The following PRDM10 variants were observed in gnomAD, a reference collection of about 807,000 sequenced individuals.
PRDM10 encodes the protein PR/SET domain 10.
Under a neutral mutation model 133.1 loss-of-function variants are expected in PRDM10, and 65 were observed. The ratio of observed to expected loss-of-function variants is 0.49; its 90% CI spans 0.40 to 0.60. PRDM10 has a LOEUF of 0.60. Among genes scored for constraint, PRDM10 ranks in the 20% least tolerant of loss-of-function variants. PRDM10 has a pLI of 0.00. For synonymous variants in PRDM10, 582 were observed against 580.4 expected (o/e 1.00, Z -0.04); for missense variants, 1,137 against 1,507.1 (o/e 0.75, Z 4.07).
At chr11:129,983,237 C>T (rs564679689) in intron 1 of PRDM10, among the ~76,000 whole-genome samples, 25 of 152,038 alleles carry the variant, frequency 1.6e-4, no homozygotes, top group African/African-American at 5.8e-4. Flanking sequence ...CTCTGCCTCC[C>T]AAAGGGCTGG....
At chr11:129,935,274 CT>C in intron 8 of PRDM10, 56 bp from the exon 9 acceptor site, 1 of 1,321,584 alleles carries the variant, frequency 7.6e-7, no homozygotes, top group Non-Finnish European at 1.1e-6. Flanking sequence ...ACCAGTAAAA[CT>C]CAAAAGTCTG....
chr11:129,983,922 G>C (rs906977472), intron 1 of PRDM10, among the ~76,000 whole-genome samples: 12 of 152,090 alleles, frequency 7.9e-5, no homozygotes, highest in Non-Finnish European at 1.6e-4. Flanking sequence ...TACCCACACC[G>C]GAGGGAACCC....
chr11:129,914,426 G>A (rs901977730), intron 17 of PRDM10: 1 of 512,596 alleles, frequency 2.0e-6, no homozygotes, highest in African/African-American at 1.9e-5. Flanking sequence ...TCAGAAGAGG[G>A]TCAGAAACAG....
rs1027967500 is a variant in PRDM10, at chr11:129,923,677, AGAGAGAGAGAGAGAGAGT to A, written c.1879-292_1879-275del. On this transcript the variant is annotated intron_variant, in intron 12 of 20. Transcript: ENST00000360871. The surrounding 1 kb of genome is among the most constrained non-coding windows in gnomAD (Gnocchi z 4.4). ...GAGAGAGAGAGAGAGAGAGAGAGAG[AGAGAGAGAGAGAGAGAGT>A]GCTTGCTTGGTCAAAGCCCTGATCA... Among the ~76,000 whole-genome samples, 9 of 151,582 alleles carry A rather than the reference AGAGAGAGAGAGAGAGAGT, an allele frequency of 5.9e-5. No homozygotes were observed. The highest frequency in any genetic ancestry group is 1.9e-4 in the African/African-American group (8 of 41,178).
At chr11:129,962,746 T>C (rs1951820253) in intron 1 of PRDM10, among the ~76,000 whole-genome samples, 3 of 152,210 alleles carry the variant, frequency 2.0e-5, no homozygotes, top group Admixed American at 2.0e-4. Context: ...ATACCTTCCT[T>C]ATATAGCAGT....
At chr11:129,924,584 T>G (rs944799456) in intron 12 of PRDM10, among the ~76,000 whole-genome samples, 5 of 152,220 alleles carry the variant, frequency 3.3e-5, no homozygotes, top group Non-Finnish European at 5.9e-5. Flanking sequence ...TCGGTATATT[T>G]TATAAGCAAT....
rs541728860 is a variant in PRDM10, at chr11:129,995,336, A to C, written c.-119+7386T>G. Among the ~76,000 whole-genome samples the C allele has an allele frequency of 1.1e-4, 17 of 148,818 alleles. No individual in the cohort carries two copies. The East Asian group carries it at 3.7e-3, about 33-fold the overall frequency. ...CCATGCGCTCTGACCCCTCTCCCAT[A>C]CTTGCATAATTCCCTGACCTCTACC... On this transcript the variant is annotated intron_variant, in intron 1 of 20. Transcript: ENST00000360871.
intron 4 of PRDM10, chr11:129,948,197 G>T (rs149950771): frequency 4.2e-4 from 174 of 415,352 alleles, no homozygotes; most frequent in African/African-American, 3.2e-3. Context: ...ACCTTAAAAA[G>T]TTCTCCTGCC....
chr11:129,961,065 GGTCT>G lies in PRDM10; in HGVS notation c.-105_-102del. ...CACGTGTGTTCATGAAGGACGGAAA[GGTCT>G]GTCTGCAGCATGCCTGAGAAAACAC... On this transcript the variant is annotated 5_prime_UTR_variant, in exon 2 of 21. The change creates a premature stop within an existing upstream ORF in the 5' untranslated region. Transcript: ENST00000360871. 1 of 1,009,418 alleles carries G rather than the reference GGTCT, an allele frequency of 9.9e-7. No individual in the cohort carries two copies. Among genetic ancestry groups the G allele is most frequent in the South Asian group, 1.5e-5 (1 of 66,652 alleles). 62.5% of individuals were successfully genotyped at this position (1,009,418 alleles called of 1,614,324 possible).
chr11:129,998,632 C>T (rs561004827), intron 1 of PRDM10, among the ~76,000 whole-genome samples: 5 of 152,234 alleles, frequency 3.3e-5, no homozygotes, highest in African/African-American at 1.2e-4. Context: ...CACTTCCTCA[C>T]CCGCTCCCCA....
At chr11:129,949,962 G>T (rs1273826517) in intron 4 of PRDM10, among the ~76,000 whole-genome samples, 1 of 114,550 alleles carries the variant, frequency 8.7e-6, no homozygotes, top group East Asian at 3.0e-4. Flanking sequence ...GAGGCCAGGC[G>T]TGATGGCTCA....
chr11:129,923,967 G>A lies in PRDM10; in HGVS notation c.1879-564C>T, dbSNP rs138671345. On this transcript the variant is annotated intron_variant, in intron 12 of 20. Coordinates refer to ENST00000360871, the MANE Select transcript of PRDM10 (RefSeq NM_199437.2). This position sits in a 1 kb window ranked among gnomAD's most constrained non-coding sequence, Gnocchi z 4.4. ...TACCGGTTTGTGAGAGCAATATGAC[G>A]CTGGCGTCACTTCTCAACTGGGACT... 3.4e-4 allele frequency among the ~76,000 whole-genome samples: 52 copies of A among 152,344 alleles called. No individual in the cohort carries two copies. Among genetic ancestry groups the A allele is most frequent in the African/African-American group, 1.2e-3 (49 of 41,594 alleles).
At chr11:129,972,133 C>A (rs973072603) in intron 1 of PRDM10, among the ~76,000 whole-genome samples, 5 of 152,238 alleles carry the variant, frequency 3.3e-5, no homozygotes, top group Non-Finnish European at 5.9e-5. Flanking sequence ...CCCGCCAAGC[C>A]CACGCCCACC....
chr11:129,944,717 C>G (rs1591643303), intron 6 of PRDM10, 54 bp downstream of exon 6: 7 of 1,595,442 alleles, frequency 4.4e-6, no homozygotes, highest in Non-Finnish European at 6.0e-6. Flanking sequence ...CAACGCAGTG[C>G]TCCTTCAAAC....
intron 1 of PRDM10, among the ~76,000 whole-genome samples, chr11:129,987,562 A>G (rs1938495662): frequency 6.6e-6 from 1 of 152,240 alleles, no homozygotes; most frequent in Admixed American, 6.5e-5. Flanking sequence ...AAATAAAAGC[A>G]TATGTCCCTA....
chr11:129,992,525 C>T (rs139175862), intron 1 of PRDM10, among the ~76,000 whole-genome samples: 3 of 152,302 alleles, frequency 2.0e-5, no homozygotes, highest in South Asian at 2.1e-4. Flanking sequence ...GGCCAGGACC[C>T]GAGCATGGTT....
At chr11:129,973,744 C>T (rs966807405) in intron 1 of PRDM10, among the ~76,000 whole-genome samples, 7 of 151,960 alleles carry the variant, frequency 4.6e-5, no homozygotes, top group Non-Finnish European at 8.8e-5. Context: ...TGAGATGAAA[C>T]GATTTTTTAA....
chr11:129,924,091 TGA>T (rs1950604357), intron 12 of PRDM10, among the ~76,000 whole-genome samples: 1 of 152,236 alleles, frequency 6.6e-6, no homozygotes, highest in South Asian at 2.1e-4. Flanking sequence ...AGCTAAGTAG[TGA>T]GTCTTACCAA....
rs773056416 is a variant in PRDM10, at chr11:129,912,231, A to G, written c.2842-6T>C. On this transcript the variant is annotated splice_polypyrimidine_tract_variant and splice_region_variant and intron_variant, in intron 17 of 20. Coordinates refer to ENST00000360871, the MANE Select transcript of PRDM10 (RefSeq NM_199437.2). ...GACTGGTGAGGGGAAGTGGCCTGGA[A>G]GGAGAAAAAACAGGCCCAGAAACCA... The G allele has an allele frequency of 7.7e-6, 12 of 1,549,264 alleles. No individual in the cohort carries two copies. The highest frequency in any genetic ancestry group is 3.5e-5 in the South Asian group (3 of 84,532).
Sources: gnomAD v4.1 joint callset for allele counts (sites outside exome capture counted in the v4.1 genomes callset) on GRCh38, gnomAD v4.1.1 for gene constraint, Gnocchi (gnomAD v3.1) non-coding constraint, MANE v1.5 for transcripts, NCBI Gene and HGNC (gene_info 2026-07-23, HGNC 2026-07-21) for gene names.